The following LOC128462377 variants were observed in gnomAD, a reference collection of about 807,000 sequenced individuals.
the LOC128462377 span, among the ~76,000 whole-genome samples, chr16:89,383,351 C>T: frequency 1.3e-5 from 2 of 152,244 alleles, no homozygotes; most frequent in African/African-American, 4.8e-5. Context: ...GCAGCAGCCC[C>T]ATACCAACGC....
chr16:89,332,072 G>C, the LOC128462377 span, among the ~76,000 whole-genome samples: 2 of 151,922 alleles, frequency 1.3e-5, no homozygotes, highest in African/African-American at 2.4e-5. Flanking sequence ...GGGATCATTC[G>C]ATCCCAGGAG....
the LOC128462377 span, among the ~76,000 whole-genome samples, chr16:89,394,023 T>C: frequency 6.6e-6 from 1 of 152,214 alleles, no homozygotes; most frequent in Non-Finnish European, 1.5e-5. Flanking sequence ...CAGTGTTTGC[T>C]GACTGCAACA....
chr16:89,345,205 A>T, the LOC128462377 span, among the ~76,000 whole-genome samples: 1 of 152,064 alleles, frequency 6.6e-6, no homozygotes, highest in African/African-American at 2.4e-5. Context: ...AACTGTAAAG[A>T]TGGAAAAAAA....
the LOC128462377 span, among the ~76,000 whole-genome samples, chr16:89,404,519 T>C: frequency 6.6e-6 from 1 of 152,188 alleles, no homozygotes; most frequent in African/African-American, 2.4e-5. Flanking sequence ...GCCAACAGTT[T>C]GAAGGGTATG....
chr16:89,385,879 G>A, the LOC128462377 span, among the ~76,000 whole-genome samples: 3 of 152,216 alleles, frequency 2.0e-5, no homozygotes, highest in East Asian at 1.9e-4. Flanking sequence ...ATTTGTGACC[G>A]TTCCCTCCGT....
chr16:89,320,350 C>T, the LOC128462377 span: 1 of 152,224 alleles, frequency 6.6e-6, no homozygotes, highest in South Asian at 2.1e-4. Flanking sequence ...CTAAATCTCC[C>T]TCATTTCCAA....
the LOC128462377 span, among the ~76,000 whole-genome samples, chr16:89,404,704 A>G: frequency 6.6e-6 from 1 of 152,248 alleles, no homozygotes; most frequent in Non-Finnish European, 1.5e-5. Context: ...CCTTCCTACA[A>G]GCACACAGAG....
chr16:89,416,456 G>A, the LOC128462377 span, among the ~76,000 whole-genome samples: 1 of 151,998 alleles, frequency 6.6e-6, no homozygotes, highest in Admixed American at 6.5e-5. Context: ...TCGCCACCAC[G>A]TCCGGTTAAT....
At chr16:89,405,011 A>G in the LOC128462377 span, among the ~76,000 whole-genome samples, 1 of 152,122 alleles carries the variant, frequency 6.6e-6, no homozygotes, top group Admixed American at 6.6e-5. Context: ...AAACATCTAA[A>G]AACTTCTCCT....
chr16:89,359,299 C>A, the LOC128462377 span, among the ~76,000 whole-genome samples: 1 of 152,106 alleles, frequency 6.6e-6, no homozygotes, highest in East Asian at 1.9e-4. Flanking sequence ...GTAAAGACTC[C>A]AGAAAATCCC....
chr16:89,357,663 T>C, the LOC128462377 span, among the ~76,000 whole-genome samples: 1 of 152,182 alleles, frequency 6.6e-6, no homozygotes, highest in African/African-American at 2.4e-5. Flanking sequence ...GCACACAGCA[T>C]AACGCGACTC....
chr16:89,407,086 T>C, the LOC128462377 span, among the ~76,000 whole-genome samples: 1 of 151,456 alleles, frequency 6.6e-6, no homozygotes, highest in Non-Finnish European at 1.5e-5. Flanking sequence ...CTCGGGAGGC[T>C]GAGGCTGGTG....
chr16:89,360,343 CG>C, the LOC128462377 span, among the ~76,000 whole-genome samples: 1 of 152,192 alleles, frequency 6.6e-6, no homozygotes, highest in Non-Finnish European at 1.5e-5. Flanking sequence ...GCAATCCTCT[CG>C]AATTGGTCTC....
chr16:89,334,186 G>C, the LOC128462377 span, among the ~76,000 whole-genome samples: 3 of 133,416 alleles, frequency 2.2e-5, no homozygotes, highest in African/African-American at 9.0e-5. Context: ...GAGAGAGAGA[G>C]AAAGAAAGAA....
the LOC128462377 span, among the ~76,000 whole-genome samples, chr16:89,374,528 G>A: frequency 6.6e-6 from 1 of 152,128 alleles, no homozygotes; most frequent in Non-Finnish European, 1.5e-5. Flanking sequence ...CAGAGCCGAT[G>A]GCCTCTGCCG....
At chr16:89,382,122 A>G in the LOC128462377 span, among the ~76,000 whole-genome samples, 1 of 152,128 alleles carries the variant, frequency 6.6e-6, no homozygotes, top group Non-Finnish European at 1.5e-5. Context: ...GCGGCCTCCC[A>G]GCAGCTGGGC....
At chr16:89,363,012 G>A in the LOC128462377 span, among the ~76,000 whole-genome samples, 3 of 151,590 alleles carry the variant, frequency 2.0e-5, no homozygotes, top group Non-Finnish European at 2.9e-5. Context: ...TCCTTTATCC[G>A]GTGTACTCTC....
chr16:89,323,214 T>G, the LOC128462377 span: 1 of 935,986 alleles, frequency 1.1e-6, no homozygotes, highest in Non-Finnish European at 1.5e-6. Context: ...TCCAACGGAC[T>G]GAGCGGAGGA....
the LOC128462377 span, among the ~76,000 whole-genome samples, chr16:89,403,222 C>T: frequency 6.6e-6 from 1 of 152,218 alleles, no homozygotes; most frequent in African/African-American, 2.4e-5. Flanking sequence ...CTCTCTTCTG[C>T]TTTACGGGCA....
Sources: gnomAD v4.1 joint callset for allele counts (sites outside exome capture counted in the v4.1 genomes callset) on GRCh38, gnomAD v4.1.1 for gene constraint, MANE v1.5 for transcripts.